HS3ST5: variants seen among roughly 807,000 people sequenced by gnomAD.
HS3ST5 encodes heparan sulfate-glucosamine 3-sulfotransferase 5.
Under a neutral mutation model 25.4 loss-of-function variants are expected in HS3ST5, and 10 were observed. The ratio of observed to expected loss-of-function variants is 0.39; its 90% confidence interval spans 0.24 to 0.67. HS3ST5 has a LOEUF of 0.67. Ranked by LOEUF, HS3ST5 falls within the 30% of genes least tolerant of loss-of-function variation. The pLI, the probability that HS3ST5 is intolerant of heterozygous loss-of-function variation, is 0.44. For synonymous variants in HS3ST5, 170 were observed against 162.4 expected (o/e 1.05, Z -0.36); for missense variants, 324 against 420.7 (o/e 0.77, Z 2.01).
chr6:114,104,255 A>G (rs1257962175), intron 3 of HS3ST5, among the ~76,000 whole-genome samples: 1 of 152,184 alleles, frequency 6.6e-6, no homozygotes, highest in Non-Finnish European at 1.5e-5. Context: ...TCAGATATCC[A>G]GCAAGTAGAC....
At chr6:114,291,337 C>T (rs985395737) in intron 1 of HS3ST5, among the ~76,000 whole-genome samples, 9 of 151,944 alleles carry the variant, frequency 5.9e-5, no homozygotes, top group African/African-American at 2.2e-4. Flanking sequence ...AGTAATGTAG[C>T]ACACCTAAGG....
chr6:114,095,150 A>G (rs1775353359), intron 3 of HS3ST5, among the ~76,000 whole-genome samples: 2 of 152,196 alleles, frequency 1.3e-5, no homozygotes, highest in South Asian at 4.1e-4. Flanking sequence ...TAACTTCGTG[A>G]GAATTTGTAA....
chr6:114,311,756 G>A (rs532807433), intron 1 of HS3ST5, among the ~76,000 whole-genome samples: 12 of 151,798 alleles, frequency 7.9e-5, no homozygotes, highest in South Asian at 2.1e-4. Flanking sequence ...TTGGCTAAGC[G>A]GTTCTTGAAC....
intron 1 of HS3ST5, among the ~76,000 whole-genome samples, chr6:114,289,380 T>C (rs1373478245): frequency 1.3e-5 from 2 of 152,082 alleles, no homozygotes; most frequent in African/African-American, 4.8e-5. Context: ...ATATTATATG[T>C]TCTACAAGAA....
At chr6:114,139,809 G>A (rs751027952) in intron 3 of HS3ST5, among the ~76,000 whole-genome samples, 90 of 152,192 alleles carry the variant, frequency 5.9e-4, no homozygotes, top group Non-Finnish European at 1.2e-3. Flanking sequence ...ATACTGGCAG[G>A]AAATGGCAGT....
At chr6:114,125,706 A>G (rs1046928185) in intron 3 of HS3ST5, among the ~76,000 whole-genome samples, 4 of 152,190 alleles carry the variant, frequency 2.6e-5, no homozygotes, top group African/African-American at 7.2e-5. Context: ...CCCACTGTGC[A>G]GGGAGAGTAC....
intron 1 of HS3ST5, among the ~76,000 whole-genome samples, chr6:114,327,647 G>A (rs1441311238): frequency 6.7e-6 from 1 of 149,940 alleles, no homozygotes; most frequent in Non-Finnish European, 1.5e-5. Context: ...ATAAGGTCCA[G>A]ACATGCAACA....
At chr6:114,166,157 A>G (rs974575371) in intron 3 of HS3ST5, among the ~76,000 whole-genome samples, 4 of 151,460 alleles carry the variant, frequency 2.6e-5, no homozygotes, top group Non-Finnish European at 4.4e-5. Flanking sequence ...GGTCATCTTC[A>G]CCTAAAGGTA....
intron 3 of HS3ST5, among the ~76,000 whole-genome samples, chr6:114,164,802 G>A (rs116351006): frequency 0.012 from 1,897 of 152,110 alleles, 36 homozygotes; most frequent in African/African-American, 0.038. Flanking sequence ...ATCTAAACTC[G>A]GTAGGAATGC....
At position 114,296,121 on chromosome 6, in the gene HS3ST5, C is replaced by T. The variant is rs1182595315; in HGVS notation, c.-339+46074G>A. On this transcript the variant is annotated intron_variant, in intron 1 of 4. Coordinates refer to ENST00000312719, the MANE Select transcript of HS3ST5 (RefSeq NM_153612.4). Reference sequence around the variant, plus strand: ...TTACATTTCTTACTTTTTTTGAGTGCAAAAATAGCAGAAGTTCATCTCACT... The same window carrying T: ...TTACATTTCTTACTTTTTTTGAGTGTAAAAATAGCAGAAGTTCATCTCACT... Among the ~76,000 whole-genome samples the T allele has an allele frequency of 3.3e-5, 5 of 152,074 alleles. No homozygotes were observed. In the East Asian group the frequency reaches 5.8e-4, roughly 18 times the overall value.
intron 1 of HS3ST5, among the ~76,000 whole-genome samples, chr6:114,276,325 C>G (rs1459384160): frequency 2.0e-5 from 3 of 151,816 alleles, no homozygotes; most frequent in African/African-American, 7.2e-5. Flanking sequence ...TAATTAATAC[C>G]TTGCTCTGAA....
At chr6:114,178,632 A>G (rs1779830221) in intron 2 of HS3ST5, 1 of 152,224 alleles carries the variant, frequency 6.6e-6, no homozygotes, top group Admixed American at 6.5e-5. Context: ...GTGTTTTAAC[A>G]CCTGTTTTCT....
At position 114,272,505 on chromosome 6, in the gene HS3ST5, G is replaced by C. The variant is rs78253657; in HGVS notation, c.-338-43727C>G. On this transcript the variant is annotated intron_variant, in intron 1 of 4. Coordinates refer to ENST00000312719, the MANE Select transcript of HS3ST5 (RefSeq NM_153612.4). ...GCATAGCCTTTCTAATGTTGCATTA[G>C]ATGTTGGAGGTGATTACAAGGTGCG... 2.6e-5 allele frequency among the ~76,000 whole-genome samples: 4 copies of C among 152,144 alleles called. No homozygotes were observed. The East Asian group carries it at 7.7e-4, about 29-fold the overall frequency.
At chr6:114,158,355 T>G (rs181666674) in intron 3 of HS3ST5, among the ~76,000 whole-genome samples, 146 of 152,348 alleles carry the variant, frequency 9.6e-4, no homozygotes, top group African/African-American at 3.5e-3. Context: ...CTTTAGTATC[T>G]TAGGCAGAGG....
intron 1 of HS3ST5, among the ~76,000 whole-genome samples, chr6:114,234,318 A>T (rs1303535609): frequency 6.8e-6 from 1 of 147,044 alleles, no homozygotes; most frequent in Non-Finnish European, 1.5e-5. Flanking sequence ...AATATATATA[A>T]TATATATATA....
chr6:114,260,253 A>G (rs922891804), intron 1 of HS3ST5, among the ~76,000 whole-genome samples: 2 of 152,232 alleles, frequency 1.3e-5, no homozygotes, highest in Non-Finnish European at 2.9e-5. Context: ...TTTGATGAAC[A>G]TAACAACAGT....
At chr6:114,310,038 G>A (rs1176873767) in intron 1 of HS3ST5, among the ~76,000 whole-genome samples, 7 of 152,198 alleles carry the variant, frequency 4.6e-5, no homozygotes, top group Non-Finnish European at 2.9e-5. Context: ...TTCAATGGAA[G>A]TGAGCAGTAA....
intron 1 of HS3ST5, among the ~76,000 whole-genome samples, chr6:114,275,399 TTTACA>T (rs1277263735): frequency 1.3e-5 from 2 of 152,094 alleles, no homozygotes; most frequent in Admixed American, 6.6e-5. Context: ...GTTACTAAAC[TTTACA>T]TTAACACCTT....
intron 2 of HS3ST5, among the ~76,000 whole-genome samples, chr6:114,226,056 G>C (rs904546325): frequency 6.6e-6 from 1 of 151,902 alleles, no homozygotes; most frequent in Admixed American, 6.6e-5. Context: ...TAGGCCAACC[G>C]CAGCTGGTTG....
Sources: gnomAD v4.1 joint callset for allele counts (sites outside exome capture counted in the v4.1 genomes callset) on GRCh38, gnomAD v4.1.1 for gene constraint, MANE v1.5 for transcripts, NCBI Gene and HGNC (gene_info 2026-07-23, HGNC 2026-07-21) for gene names.